The following LHFPL3 variants were observed in gnomAD, a reference collection of about 807,000 sequenced individuals.
LHFPL3 encodes LHFPL tetraspan subfamily member 3 protein.
A neutral mutation model predicts 19.3 loss-of-function variants in LHFPL3; 5 were observed. That is an observed-to-expected ratio of 0.26 (90% confidence interval 0.14 to 0.54). LHFPL3 has a LOEUF of 0.54. Ranked by LOEUF, LHFPL3 falls within the 20% of genes least tolerant of loss-of-function variation. The probability of loss-of-function intolerance (pLI) is 0.94; values close to 1 mark genes in which losing one functional copy is unlikely to be tolerated. For synonymous variants in LHFPL3, 133 were observed against 126.2 expected, an observed-to-expected ratio of 1.05 and a Z score of -0.36; for missense variants, 249 against 307.4, an observed-to-expected ratio of 0.81 and a Z score of 1.42.
At chr7:104,349,945 A>G (rs980878975) in intron 1 of LHFPL3, among the ~76,000 whole-genome samples, 2 of 152,182 alleles carry the variant, frequency 1.3e-5, no homozygotes, top group African/African-American at 2.4e-5. Flanking sequence ...CCTTTTGCCC[A>G]CGATAGTGCC....
intron 1 of LHFPL3, among the ~76,000 whole-genome samples, chr7:104,459,107 G>C (rs1230867735): frequency 6.6e-6 from 1 of 152,202 alleles, no homozygotes; most frequent in Non-Finnish European, 1.5e-5. Context: ...AGGTGGTATT[G>C]ATTTCCTGCA....
At chr7:104,394,325 G>A (rs894105443) in intron 1 of LHFPL3, among the ~76,000 whole-genome samples, 1 of 152,182 alleles carries the variant, frequency 6.6e-6, no homozygotes, top group Non-Finnish European at 1.5e-5. Context: ...CAAATGAACA[G>A]ACTGGAGTAA....
chr7:104,692,075 G>C (rs1309248719), intron 1 of LHFPL3, among the ~76,000 whole-genome samples: 2 of 152,198 alleles, frequency 1.3e-5, no homozygotes, highest in African/African-American at 4.8e-5. Flanking sequence ...GAACTTTAAA[G>C]TTGAGAGAGA....
At chr7:104,752,043 A>G (rs200365115) in intron 2 of LHFPL3, among the ~76,000 whole-genome samples, 84 of 148,620 alleles carry the variant, frequency 5.7e-4, no homozygotes, top group South Asian at 3.7e-3. Context: ...GCCGGCGGCC[A>G]GTATTGATAG....
intron 2 of LHFPL3, among the ~76,000 whole-genome samples, chr7:104,753,270 A>G (rs1477894535): frequency 6.6e-6 from 1 of 152,210 alleles, no homozygotes; most frequent in Non-Finnish European, 1.5e-5. Flanking sequence ...CCACTTCTAA[A>G]TTGATGTCTT....
At chr7:104,821,857 GC>G (rs1466775170) in intron 2 of LHFPL3, among the ~76,000 whole-genome samples, 2 of 152,202 alleles carry the variant, frequency 1.3e-5, no homozygotes, top group African/African-American at 4.8e-5. Flanking sequence ...AATGCACTTT[GC>G]AAACATAGAT....
chr7:104,430,406 A>ATATATATATATATG (rs1791955607), intron 1 of LHFPL3, among the ~76,000 whole-genome samples: 2 of 31,404 alleles, frequency 6.4e-5, no homozygotes, highest in Non-Finnish European at 1.0e-4. Flanking sequence ...ATATATATAC[A>ATATATATATATATG]TATATATATA....
At chr7:104,413,600 G>A (rs375812686) in intron 1 of LHFPL3, among the ~76,000 whole-genome samples, 1 of 152,164 alleles carries the variant, frequency 6.6e-6, no homozygotes, top group Non-Finnish European at 1.5e-5. Context: ...GAACCAGGTC[G>A]TCTGGCTCCA....
chr7:104,561,267 A>T (rs921057866), intron 1 of LHFPL3, among the ~76,000 whole-genome samples: 5 of 148,692 alleles, frequency 3.4e-5, no homozygotes, highest in African/African-American at 1.0e-4. Flanking sequence ...GATCTGTCTA[A>T]TGTTGACAGT....
At position 104,399,942 on chromosome 7, in the gene LHFPL3, A is replaced by G. The variant is rs1284670836; in HGVS notation, c.445+70718A>G. Reference sequence around the variant, plus strand: ...AACATGGTTAAACCCTGTCTCTACTAAAAATACAAAAATTAGCTGGGCATG... The same window carrying G: ...AACATGGTTAAACCCTGTCTCTACTGAAAATACAAAAATTAGCTGGGCATG... On this transcript the variant is annotated intron_variant, in intron 1 of 2. Coordinates refer to ENST00000424859, the MANE Select transcript of LHFPL3 (RefSeq NM_199000.3). The surrounding 1 kb of genome is among the most constrained non-coding windows in gnomAD (Gnocchi z 4.4). Among the ~76,000 whole-genome samples, 1 of 151,332 alleles carries G rather than the reference A, an allele frequency of 6.6e-6. No individual in the cohort carries two copies. Among genetic ancestry groups the G allele is most frequent in the East Asian group, 2.0e-4 (1 of 5,106 alleles).
At chr7:104,856,180 G>A (rs537629174) in intron 2 of LHFPL3, among the ~76,000 whole-genome samples, 2 of 152,002 alleles carry the variant, frequency 1.3e-5, no homozygotes, top group Non-Finnish European at 2.9e-5. Flanking sequence ...CCATCTGGGG[G>A]ATTGGTTTAG....
rs112777684 is a variant in LHFPL3, at chr7:104,621,604, G to A, written c.446-115071G>A. On this transcript the variant is annotated intron_variant, in intron 1 of 2. Transcript: ENST00000424859. ...TTTCCCTCCAGGGAGTTGACAGATC[G>A]CTTAATCATATTGCCGTCTGTGGAG... 5.4e-3 allele frequency among the ~76,000 whole-genome samples: 821 copies of A among 152,292 alleles called. 11 individuals carry two copies. The highest frequency in any genetic ancestry group is 0.019 in the African/African-American group (783 of 41,564).
intron 2 of LHFPL3, among the ~76,000 whole-genome samples, chr7:104,860,348 A>G (rs200843449): frequency 5.9e-5 from 9 of 152,174 alleles, no homozygotes; most frequent in East Asian, 3.8e-4. Flanking sequence ...TTCCAGCAAT[A>G]TATTTGTTCT....
intron 1 of LHFPL3, among the ~76,000 whole-genome samples, chr7:104,498,339 T>A (rs1793528503): frequency 1.3e-5 from 2 of 152,200 alleles, no homozygotes; most frequent in African/African-American, 4.8e-5. Context: ...CTGTCTGCAA[T>A]GAGGCTTCCC....
intron 2 of LHFPL3, among the ~76,000 whole-genome samples, chr7:104,742,822 C>T (rs1398585121): frequency 1.3e-5 from 2 of 152,110 alleles, no homozygotes; most frequent in African/African-American, 4.8e-5. Context: ...CTTTTAGGAA[C>T]TTGTTAGTAT....
At chr7:104,772,013 T>G (rs964139886) in intron 2 of LHFPL3, among the ~76,000 whole-genome samples, 4 of 151,592 alleles carry the variant, frequency 2.6e-5, no homozygotes, top group Non-Finnish European at 5.9e-5. Flanking sequence ...AGAAAAGAGG[T>G]TTCACCATGT....
intron 1 of LHFPL3, among the ~76,000 whole-genome samples, chr7:104,495,454 G>C (rs1282501326): frequency 1.3e-5 from 2 of 152,190 alleles, no homozygotes; most frequent in African/African-American, 4.8e-5. Flanking sequence ...CACAATCTCA[G>C]CTCACTGCAA....
intron 1 of LHFPL3, among the ~76,000 whole-genome samples, chr7:104,420,305 C>A (rs1791702385): frequency 6.6e-6 from 1 of 152,228 alleles, no homozygotes; most frequent in African/African-American, 2.4e-5. Context: ...CCTCCCCTCC[C>A]CTTGTTAGTG....
chr7:104,365,563 T>C (rs1306072705), intron 1 of LHFPL3, among the ~76,000 whole-genome samples: 4 of 149,594 alleles, frequency 2.7e-5, no homozygotes, highest in Admixed American at 6.6e-5. Context: ...GGGTGGATCA[T>C]GAGGTCAGGA....
Sources: gnomAD v4.1 joint callset for allele counts (sites outside exome capture counted in the v4.1 genomes callset) on GRCh38, gnomAD v4.1.1 for gene constraint, Gnocchi (gnomAD v3.1) non-coding constraint, MANE v1.5 for transcripts, NCBI Gene and HGNC (gene_info 2026-07-23, HGNC 2026-07-21) for gene names.